RAB28: variants seen among roughly 807,000 people sequenced by gnomAD.
RAB28 encodes the protein RAB28, member RAS oncogene family.
In RAB28, 24 loss-of-function variants were observed where a neutral mutation model predicts 31.7. The ratio of observed to expected loss-of-function variants is 0.76; its 90% CI spans 0.55 to 1.06. RAB28 has a LOEUF of 1.06. Ranked by LOEUF, RAB28 falls within the 50% of genes least tolerant of loss-of-function variation. RAB28 has a pLI of 0.00. For missense variants in RAB28, 254 were observed against 258.5 expected (o/e 0.98, Z 0.12); for synonymous variants, 100 against 90.4 (o/e 1.11, Z -0.60).
intron 4 of RAB28, among the ~76,000 whole-genome samples, chr4:13,397,224 C>T (rs1234078865): frequency 1.3e-5 from 2 of 152,028 alleles, no homozygotes; most frequent in Non-Finnish European, 2.9e-5. Context: ...CAAAGGAATA[C>T]ACATAAATAA....
Position 13,370,065 on chromosome 4 carries a change from A to C in RAB28, c.574-1415T>G. On this transcript the variant is annotated intron_variant, in intron 6 of 6. Transcript: ENST00000330852. ...TCAATGACTGAATATAGAAGGAAACACCAAAGTAGAAAAATAAAATTAACA... is the reference window on the plus strand; with the variant it reads ...TCAATGACTGAATATAGAAGGAAACCCCAAAGTAGAAAAATAAAATTAACA... 2.7e-6 allele frequency: 4 copies of C among 1,470,142 alleles called. No individual in the cohort carries two copies. In the East Asian group the frequency reaches 9.6e-5, roughly 35 times the overall value. 91.1% of individuals were successfully genotyped at this position (1,470,142 alleles called of 1,614,324 possible).
intron 3 of RAB28, among the ~76,000 whole-genome samples, chr4:13,471,132 C>T (rs1716097216): frequency 6.6e-6 from 1 of 152,006 alleles, no homozygotes; most frequent in Non-Finnish European, 1.5e-5. Flanking sequence ...CCTGAAAAAG[C>T]TTGTCTCAAC....
chr4:13,415,774 C>T (rs1018222639), intron 4 of RAB28, among the ~76,000 whole-genome samples: 4 of 152,292 alleles, frequency 2.6e-5, no homozygotes, highest in South Asian at 4.1e-4. Context: ...TGCGGGCGCA[C>T]GGCATGGGAC....
At chr4:13,381,465 C>T in intron 5 of RAB28, 26 bp downstream of exon 5, 3 of 1,471,926 alleles carry the variant, frequency 2.0e-6, no homozygotes, top group Non-Finnish European at 2.8e-6. Flanking sequence ...GAAAACATCA[C>T]ATACAGTATT....
At chr4:13,480,932 T>C (rs1716579625) in intron 1 of RAB28, among the ~76,000 whole-genome samples, 2 of 151,924 alleles carry the variant, frequency 1.3e-5, no homozygotes, top group African/African-American at 4.8e-5. Context: ...CAAAATCATC[T>C]TTGAAGAGGT....
At chr4:13,471,824 A>C (rs543637685) in intron 3 of RAB28, among the ~76,000 whole-genome samples, 58 of 152,230 alleles carry the variant, frequency 3.8e-4, no homozygotes, top group African/African-American at 1.3e-3. Context: ...CATTAAGTGT[A>C]AACGATAAAA....
At chr4:13,413,889 G>C (rs1333372990) in intron 4 of RAB28, among the ~76,000 whole-genome samples, 2 of 152,174 alleles carry the variant, frequency 1.3e-5, no homozygotes, top group East Asian at 3.9e-4. Context: ...ACTATAGCTT[G>C]CCAGCTGGCC....
At chr4:13,378,996 GTCAGT>G (rs1729026587) in intron 5 of RAB28, among the ~76,000 whole-genome samples, 1 of 151,852 alleles carries the variant, frequency 6.6e-6, no homozygotes, top group Non-Finnish European at 1.5e-5. Flanking sequence ...GAATCACGAG[GTCAGT>G]TCAAGATCAG....
intron 4 of RAB28, among the ~76,000 whole-genome samples, chr4:13,446,218 A>G (rs1714687042): frequency 6.6e-6 from 1 of 151,910 alleles, no homozygotes; most frequent in African/African-American, 2.4e-5. Flanking sequence ...CCCTCCCCCA[A>G]CCAAACTTGG....
chr4:13,408,378 G>T (rs930467812), intron 4 of RAB28, among the ~76,000 whole-genome samples: 5 of 152,104 alleles, frequency 3.3e-5, no homozygotes, highest in Admixed American at 6.5e-5. Flanking sequence ...GATCGTGGTG[G>T]GTAAGCTCTT....
At chr4:13,474,127 C>G in intron 3 of RAB28, 191 bp downstream of exon 3, 1 of 724,640 alleles carries the variant, frequency 1.4e-6, no homozygotes, top group Non-Finnish European at 2.5e-6. Flanking sequence ...TGTTCCCTCA[C>G]CCAAATCACT....
chr4:13,421,990 G>T (rs1713180056), intron 4 of RAB28, among the ~76,000 whole-genome samples: 3 of 151,796 alleles, frequency 2.0e-5, no homozygotes, highest in Admixed American at 1.3e-4. Context: ...GAACATTTTT[G>T]CAGTCTACCC....
In RAB28 at chr4:13,457,978, C is replaced by T. The variant is rs1263071895; in HGVS notation, c.391+2721G>A. 2.0e-5 allele frequency among the ~76,000 whole-genome samples: 3 copies of T among 152,126 alleles called. No homozygotes were observed. The South Asian group carries it at 6.2e-4, about 32-fold the overall frequency. On this transcript the variant is annotated intron_variant, in intron 4 of 6. Coordinates refer to ENST00000330852, the MANE Select transcript of RAB28 (RefSeq NM_001017979.3). Reference sequence around the variant, plus strand: ...AACCTCCAATAAAGCACATACTTAACCATAATATAAGCCAACGCTTTGTAT... The same window carrying T: ...AACCTCCAATAAAGCACATACTTAATCATAATATAAGCCAACGCTTTGTAT...
At chr4:13,405,550 A>T (rs1346389063) in intron 4 of RAB28, among the ~76,000 whole-genome samples, 1 of 152,198 alleles carries the variant, frequency 6.6e-6, no homozygotes, top group African/African-American at 2.4e-5. Context: ...AAAACTTTAA[A>T]TCAGAAAACT....
chr4:13,403,014 C>T (rs1007968551), intron 4 of RAB28, among the ~76,000 whole-genome samples: 3 of 152,070 alleles, frequency 2.0e-5, no homozygotes, highest in Admixed American at 6.6e-5. Context: ...TGGCTGATCT[C>T]GAACTCCTGA....
chr4:13,458,138 G>A (rs1041667994), intron 4 of RAB28, among the ~76,000 whole-genome samples: 1 of 152,128 alleles, frequency 6.6e-6, no homozygotes, highest in East Asian at 1.9e-4. Flanking sequence ...CAAAACAAAT[G>A]AGCAAAATTT....
chr4:13,392,773 T>C (rs915386271), intron 4 of RAB28, among the ~76,000 whole-genome samples: 1 of 152,170 alleles, frequency 6.6e-6, no homozygotes, highest in Non-Finnish European at 1.5e-5. Flanking sequence ...AAATGATAAG[T>C]ATGTGAGGAA....
chr4:13,389,364 A>C (rs377304147), intron 4 of RAB28, among the ~76,000 whole-genome samples: 21 of 152,266 alleles, frequency 1.4e-4, no homozygotes, highest in African/African-American at 5.1e-4. Flanking sequence ...AAGATGAAAA[A>C]GTTCTGAAGA....
intron 4 of RAB28, among the ~76,000 whole-genome samples, chr4:13,404,904 G>A (rs1433763730): frequency 6.9e-6 from 1 of 144,642 alleles, no homozygotes; most frequent in Non-Finnish European, 1.5e-5. Flanking sequence ...TTTCGTTTTT[G>A]TTAAGAAGGA....
Sources: allele counts gnomAD v4.1 joint callset (sites outside exome capture counted in the v4.1 genomes callset), GRCh38; gene constraint gnomAD v4.1.1; transcripts MANE v1.5; gene names NCBI Gene and HGNC (gene_info 2026-07-23, HGNC 2026-07-21).